The following AHRR variants were observed in gnomAD, a reference collection of about 807,000 sequenced individuals.
AHRR encodes aryl hydrocarbon receptor repressor.
In AHRR, 28 loss-of-function variants were observed where a neutral mutation model predicts 44.0. The observed-to-expected ratio is 0.64, with a 90% confidence interval of 0.47 to 0.87. AHRR has a LOEUF of 0.87. AHRR is among the 40% of genes least tolerant of loss of function. The pLI is 0.00. For synonymous variants in AHRR, 434 were observed against 407.0 expected (o/e 1.07, Z -0.80); for missense variants, 990 against 953.9 (o/e 1.04, Z -0.50).
intron 8 of AHRR, among the ~76,000 whole-genome samples, chr5:429,259 G>T (rs116456081): frequency 0.016 from 2,288 of 145,464 alleles, 37 homozygotes; most frequent in African/African-American, 0.042. Flanking sequence ...GTGAGGTAGG[G>T]CTGGGCCGCC....
chr5:345,316 G>A (rs1372125029), intron 2 of AHRR, among the ~76,000 whole-genome samples: 1 of 65,622 alleles, frequency 1.5e-5, no homozygotes, highest in African/African-American at 8.2e-5. Context: ...GTGGGGATGT[G>A]TGTGTGTGTG....
chr5:397,750 C>T (rs1482960729), intron 4 of AHRR, among the ~76,000 whole-genome samples: 5 of 131,330 alleles, frequency 3.8e-5, no homozygotes, highest in South Asian at 2.6e-4. Flanking sequence ...AGCTCCTGAC[C>T]GTCCATGTTA....
intron 5 of AHRR, among the ~76,000 whole-genome samples, chr5:416,713 G>C (rs183138861): frequency 6.6e-6 from 1 of 152,216 alleles, no homozygotes; most frequent in South Asian, 2.1e-4. Flanking sequence ...CGTTGGGTCC[G>C]TAGGCGTTTG....
Position 423,980 on chromosome 5 carries a change from G to C in AHRR, c.708+3G>C, listed in dbSNP as rs906327775. The stretch of plus-strand genomic sequence containing the variant: ...TGGACAGCACCTCGGGCTTCCTGGT[G>C]AGTGCGTGGGTCCCTGGCAGGGGGC... On this transcript the variant is annotated splice_donor_region_variant and intron_variant, in intron 7 of 10. Transcript: ENST00000684583. The C allele has an allele frequency of 3.1e-6, 5 of 1,596,760 alleles. No homozygotes were observed. Among genetic ancestry groups the C allele is most frequent in the Middle Eastern group, 1.7e-4 (1 of 6,038 alleles).
At chr5:365,293 A>G (rs568126478) in intron 3 of AHRR, among the ~76,000 whole-genome samples, 1 of 152,306 alleles carries the variant, frequency 6.6e-6, no homozygotes, top group African/African-American at 2.4e-5. Context: ...TAAAATATTG[A>G]AGAATAATGA....
At chr5:329,925 C>G (rs1741854108) in intron 1 of AHRR, among the ~76,000 whole-genome samples, 1 of 152,128 alleles carries the variant, frequency 6.6e-6, no homozygotes, top group Non-Finnish European at 1.5e-5. Flanking sequence ...AATAATTTGA[C>G]TTCCTCTTTT....
At chr5:376,555 A>AACGTGGGGT in intron 3 of AHRR, 55 bp from the exon 4 acceptor site, 3 of 1,428,906 alleles carry the variant, frequency 2.1e-6, no homozygotes, top group Non-Finnish European at 1.9e-6. Flanking sequence ...TGAATGAAGA[A>AACGTGGGGT]GAGTGGCCAG....
intron 1 of AHRR, among the ~76,000 whole-genome samples, chr5:333,519 C>T (rs969677740): frequency 6.6e-5 from 10 of 152,092 alleles, no homozygotes; most frequent in Admixed American, 2.6e-4. Context: ...TCACTTGAAC[C>T]TGGGAGGCGG....
At chr5:353,980 C>T in intron 3 of AHRR, 69 bp downstream of exon 3, 1 of 1,487,958 alleles carries the variant, frequency 6.7e-7, no homozygotes, top group Non-Finnish European at 9.2e-7. Context: ...CCATCTGGGG[C>T]CTTGTGGCCA....
At chr5:347,053 A>G (rs986607298) in intron 2 of AHRR, among the ~76,000 whole-genome samples, 32 of 152,222 alleles carry the variant, frequency 2.1e-4, no homozygotes, top group African/African-American at 6.8e-4. Flanking sequence ...ACCTCCCAGC[A>G]TTAGGGTTAG....
In AHRR at chr5:353,895, G is replaced by A. The variant is rs754198878; in HGVS notation, c.228G>A (p.Val76=). 1.2e-6 allele frequency: 2 copies of A among 1,613,552 alleles called. No homozygotes were observed. The highest frequency in any genetic ancestry group is 8.5e-7 in the Non-Finnish European group (1 of 1,179,636). ...GCCTCAGTGTCAGTTACCTCCGGGT[G>A]AAGAGCTTCTTCCAAGGTAGGACTC... is the stretch of plus-strand genomic sequence containing the variant. ...VLRLSVSYLR[V]KSFFQVVQEQ... is the part of the protein sequence containing the mutation. The change falls in exon 3 of 11, where the codon GTG becomes GTA. Residue 76 remains valine (V), a synonymous_variant. Coordinates refer to ENST00000684583, the MANE Select transcript of AHRR (RefSeq NM_001377236.1).
intron 1 of AHRR, among the ~76,000 whole-genome samples, chr5:336,588 T>C (rs1324053839): frequency 1.3e-5 from 2 of 152,234 alleles, no homozygotes; most frequent in African/African-American, 2.4e-5. Flanking sequence ...TGCCATTCTG[T>C]GGGTTGCCTC....
At chr5:356,436 G>C (rs1358706746) in intron 3 of AHRR, among the ~76,000 whole-genome samples, 2 of 152,246 alleles carry the variant, frequency 1.3e-5, no homozygotes, top group Admixed American at 6.5e-5. Context: ...GCCTGTGTTT[G>C]CCAGGACCCC....
intron 4 of AHRR, among the ~76,000 whole-genome samples, chr5:384,102 G>A (rs539251382): frequency 6.7e-4 from 101 of 151,558 alleles, no homozygotes; most frequent in African/African-American, 2.4e-3. Flanking sequence ...GTTTCCCTTG[G>A]TAATCATTGA....
intron 7 of AHRR, among the ~76,000 whole-genome samples, chr5:424,464 T>G (rs1736295758): frequency 6.6e-6 from 1 of 151,138 alleles, no homozygotes; most frequent in Non-Finnish European, 1.5e-5. Flanking sequence ...GTGTCTCTGG[T>G]GGGTGGGAGA....
intron 2 of AHRR, among the ~76,000 whole-genome samples, chr5:344,357 G>C (rs1253120991): frequency 2.0e-5 from 3 of 150,036 alleles, no homozygotes; most frequent in Admixed American, 6.6e-5. Context: ...GGGTGTGTGC[G>C]TGTGTGGCGA....
rs753746552 is a variant in AHRR, at chr5:427,808, C to T, written c.710C>T (p.Thr237Met). ...CLLDSTSGFL[T>M]MQFQGKLKFL... ...TCCTCTCTGTCTTTAAAACACCAGA[C>T]GATGCAGTTTCAAGGAAAACTAAAA... The change falls in exon 8 of 11, where the codon ACG becomes ATG. Residue 237 changes from threonine to methionine, a missense_variant and splice_region_variant. Physicochemically the swap from Thr to Met is moderately conservative, Grantham distance 81. Transcript: ENST00000684583. The T allele has an allele frequency of 5.5e-5, 88 of 1,613,954 alleles. No homozygotes were observed. The highest frequency in any genetic ancestry group is 1.6e-4 in the Middle Eastern group (1 of 6,084).
intron 5 of AHRR, chr5:421,288 G>A (rs11741946): frequency 0.27 from 186,674 of 697,536 alleles, 29,080 homozygotes; most frequent in Non-Finnish European, 0.33. Context: ...AACGGGCGAG[G>A]CTGTTGCGCT....
intron 2 of AHRR, among the ~76,000 whole-genome samples, chr5:349,201 A>T (rs1378314506): frequency 6.6e-6 from 1 of 152,174 alleles, no homozygotes; most frequent in Non-Finnish European, 1.5e-5. Context: ...CATATTCTGG[A>T]TATAAACCCT....
Sources: gnomAD v4.1 joint callset for allele counts (sites outside exome capture counted in the v4.1 genomes callset) on GRCh38, gnomAD v4.1.1 for gene constraint, MANE v1.5 for transcripts, NCBI Gene and HGNC (gene_info 2026-07-23, HGNC 2026-07-21) for gene names.